The following FRMPD4 variants were observed in gnomAD, a reference collection of about 807,000 sequenced individuals.
The protein encoded by FRMPD4 is FERM and PDZ domain containing 4.
FRMPD4 carries 22 observed loss-of-function variants against 94.1 expected under a neutral mutation model. The observed-to-expected ratio is 0.23, with a 90% CI of 0.17 to 0.33. The LOEUF (loss-of-function observed/expected upper bound fraction) is 0.33, where lower values mean the gene tolerates loss of function less well. FRMPD4 is among the 10% of genes least tolerant of loss of function. The pLI, the probability that FRMPD4 is intolerant of heterozygous loss-of-function variation, is 1.00. For synonymous variants in FRMPD4, 631 were observed against 548.6 expected (o/e 1.15, Z -2.10); for missense variants, 1,111 against 1,339.9 (o/e 0.83, Z 2.67).
chrX:12,621,972 A>AAGAAAG, intron 4 of FRMPD4, among the ~76,000 whole-genome samples: 2 of 20,795 alleles, frequency 9.6e-5, no homozygotes, highest in African/African-American at 6.4e-4. Context: ...AAGAAAGAGA[A>AAGAAAG]AGAAAGAAAG....
At chrX:12,258,576 T>C (rs2054146515) in intron 1 of FRMPD4, among the ~76,000 whole-genome samples, 1 of 111,606 alleles carries the variant, frequency 9.0e-6, no homozygotes, top group Non-Finnish European at 1.9e-5. Context: ...CAAAGTGAAC[T>C]AAGACAACGC....
chrX:11,930,303 A>G (rs1448084181), intron 3 of FRMPD4, among the ~76,000 whole-genome samples: 1 of 110,490 alleles, frequency 9.1e-6, no homozygotes, highest in Non-Finnish European at 1.9e-5. Flanking sequence ...AGATATGCCC[A>G]CCAGGAACCT....
intron 2 of FRMPD4, among the ~76,000 whole-genome samples, chrX:12,516,174 A>T (rs2058094022): frequency 9.0e-6 from 1 of 111,587 alleles, no homozygotes; most frequent in Admixed American, 9.5e-5. Context: ...TGTGTCTTTT[A>T]ATTGGAGCAT....
At chrX:12,205,130 G>A (rs1193857217) in intron 1 of FRMPD4, among the ~76,000 whole-genome samples, 3 of 106,832 alleles carry the variant, frequency 2.8e-5, no homozygotes, top group African/African-American at 6.8e-5. Flanking sequence ...TGATGAAGGC[G>A]ATGATAACCC....
At chrX:12,142,655 A>T (rs1312109320) in intron 1 of FRMPD4, among the ~76,000 whole-genome samples, 1 of 112,158 alleles carries the variant, frequency 8.9e-6, no homozygotes, top group African/African-American at 3.2e-5. Flanking sequence ...TCATAACAGA[A>T]CTAGATTCCT....
At chrX:12,475,087 A>T (rs978175568) in intron 1 of FRMPD4, among the ~76,000 whole-genome samples, 2 of 112,061 alleles carry the variant, frequency 1.8e-5, no homozygotes, top group African/African-American at 6.5e-5. Flanking sequence ...AACTGACTCC[A>T]GCAGCACATC....
Position 12,138,576 on chromosome X carries a change from C to G in FRMPD4, c.-396C>G, listed in dbSNP as rs1569166169. On this transcript the variant is annotated 5_prime_UTR_variant, in exon 1 of 17. Coordinates refer to ENST00000675598, the MANE Select transcript of FRMPD4 (RefSeq NM_001368397.1). ...GCGTGGGGCACGAGGGTCCGAGGGC[C>G]GGGAAGCCAGAGCAGCGCCTCTCGC... The G allele has an allele frequency of 7.6e-6, 2 of 263,035 alleles. No homozygotes were observed. Among genetic ancestry groups the G allele is most frequent in the African/African-American group, 5.6e-5 (2 of 35,663 alleles). 21.7% of individuals were successfully genotyped at this position (263,035 alleles called of 1,213,427 possible).
chrX:11,870,845 T>A (rs1248650532), intron 2 of FRMPD4, among the ~76,000 whole-genome samples: 1 of 112,534 alleles, frequency 8.9e-6, no homozygotes, highest in Non-Finnish European at 1.9e-5. Flanking sequence ...ATAAGGGAAT[T>A]GGACTAGATT....
chrX:12,264,504 T>C (rs1288614444), intron 1 of FRMPD4, among the ~76,000 whole-genome samples: 1 of 112,139 alleles, frequency 8.9e-6, no homozygotes, highest in African/African-American at 3.2e-5. Flanking sequence ...AACATTTTAT[T>C]ATAATTTTGC....
intron 1 of FRMPD4, among the ~76,000 whole-genome samples, chrX:12,342,972 C>T (rs949382555): frequency 2.3e-4 from 26 of 111,884 alleles, no homozygotes; most frequent in Non-Finnish European, 3.8e-4. Context: ...GCCTGGTTTC[C>T]GAGGCCATAA....
At position 12,343,755 on chromosome X, in the gene FRMPD4, G is replaced by T. The variant is rs751681253; in HGVS notation, c.42-154925G>T. ...TGAGCTTGAGGTTGTGAGCACTGAT[G>T]ACACTTATTTATTGGTCTCCACATT... On this transcript the variant is annotated intron_variant, in intron 1 of 16. Coordinates refer to ENST00000675598, the MANE Select transcript of FRMPD4 (RefSeq NM_001368397.1). Among the ~76,000 whole-genome samples, 57 of 111,921 alleles carry T rather than the reference G, an allele frequency of 5.1e-4. 1 individual carries two copies. The South Asian group carries it at 0.021, about 41-fold the overall frequency.
At chrX:12,164,783 A>T (rs1182909654) in intron 1 of FRMPD4, among the ~76,000 whole-genome samples, 1 of 111,981 alleles carries the variant, frequency 8.9e-6, no homozygotes, top group Admixed American at 9.4e-5. Flanking sequence ...TTTGATTTGC[A>T]TTTCTCTGAT....
intron 1 of FRMPD4, among the ~76,000 whole-genome samples, chrX:11,837,383 G>A (rs1017218676): frequency 9.0e-6 from 1 of 111,320 alleles, no homozygotes; most frequent in South Asian, 3.7e-4. Context: ...TTTTTGGAAT[G>A]TCCTTATATT....
intron 1 of FRMPD4, among the ~76,000 whole-genome samples, chrX:12,175,487 C>T (rs1198862435): frequency 9.0e-6 from 1 of 111,434 alleles, no homozygotes; most frequent in Non-Finnish European, 1.9e-5. Flanking sequence ...AGCTCCACCC[C>T]AGATGCACTG....
intron 1 of FRMPD4, among the ~76,000 whole-genome samples, chrX:12,497,204 T>A (rs1268965111): frequency 3.6e-5 from 4 of 111,869 alleles, no homozygotes; most frequent in Non-Finnish European, 5.6e-5. Flanking sequence ...ATTCTCTACA[T>A]AGGCCTCCTT....
intron 12 of FRMPD4, 120 bp from the exon 13 acceptor site, chrX:12,707,349 G>C (rs1364211297): frequency 2.7e-5 from 15 of 551,748 alleles, no homozygotes; most frequent in Non-Finnish European, 4.4e-5. Context: ...ATTTAGTACA[G>C]TATGACCCAG....
rs748730937 is a variant in FRMPD4 at position 12,627,604 on chromosome X, A to G, written c.422+12723A>G. Among the ~76,000 whole-genome samples, 14 of 112,254 alleles carry G rather than the reference A, an allele frequency of 1.2e-4. 1 individual carries two copies. The South Asian group carries it at 5.2e-3, about 42-fold the overall frequency. ...AGGGATTTGGGAGCATAGTTCATAA[A>G]AGCTATAATGATATATAATGACGGA... is the stretch of plus-strand genomic sequence containing the variant. On this transcript the variant is annotated intron_variant, in intron 4 of 16. Transcript: ENST00000675598.
chrX:12,228,435 CTCTT>C (rs2147770967), intron 1 of FRMPD4, among the ~76,000 whole-genome samples: 1 of 112,413 alleles, frequency 8.9e-6, no homozygotes, highest in South Asian at 3.7e-4. Context: ...AAATTTCAGA[CTCTT>C]TAAGAGCTTT....
intron 1 of FRMPD4, among the ~76,000 whole-genome samples, chrX:11,850,825 C>G (rs992827036): frequency 8.9e-6 from 1 of 111,781 alleles, no homozygotes; most frequent in African/African-American, 3.2e-5. Context: ...GGCTGTAACT[C>G]TTGTTTAATG....
Sources: gnomAD v4.1 joint callset for allele counts (sites outside exome capture counted in the v4.1 genomes callset) on GRCh38, gnomAD v4.1.1 for gene constraint, MANE v1.5 for transcripts, NCBI Gene and HGNC (gene_info 2026-07-23, HGNC 2026-07-21) for gene names.